The following DYM variants were observed in gnomAD, a reference collection of about 807,000 sequenced individuals.
DYM encodes the protein dyggve-Melchior-Clausen syndrome protein.
Under a neutral mutation model 93.1 loss-of-function variants are expected in DYM, and 78 were observed. The observed-to-expected ratio is 0.84, with a 90% CI of 0.70 to 1.01. The LOEUF (loss-of-function observed/expected upper bound fraction) is 1.01. Ranked by LOEUF, DYM falls within the 50% of genes least tolerant of loss-of-function variation. The pLI is 0.00. For synonymous variants in DYM, 321 were observed against 319.7 expected (o/e 1.00, Z -0.04); for missense variants, 789 against 845.0 (o/e 0.93, Z 0.82).
chr18:49,063,619 CTT>C lies in DYM; in HGVS notation c.2026-19417_2026-19416del, dbSNP rs67482709. ...GGTAGTAATTTCTTTCTTTCTCTCT[CTT>C]TTTTTTTTTTTTTTTTTTTTTTTAG... is the stretch of plus-strand genomic sequence containing the variant. On this transcript the variant is annotated intron_variant, in intron 17 of 17. Coordinates refer to ENST00000675505, the MANE Select transcript of DYM (RefSeq NM_001353214.3). Among the ~76,000 whole-genome samples, 696 of 71,974 alleles carry C rather than the reference CTT, an allele frequency of 9.7e-3. 6 individuals are homozygous for C. The highest frequency in any genetic ancestry group is 0.029 in the African/African-American group (588 of 20,270). The allele number at this position is 71,974 out of a possible 152,430, so 47.2% of individuals were successfully genotyped here.
chr18:49,185,436 C>T (rs1163999364), intron 14 of DYM, among the ~76,000 whole-genome samples: 2 of 152,144 alleles, frequency 1.3e-5, no homozygotes, highest in Non-Finnish European at 2.9e-5. Flanking sequence ...AAAGTAAGAA[C>T]AGTCTAGACA....
intron 6 of DYM, among the ~76,000 whole-genome samples, chr18:49,346,447 G>C (rs540499748): frequency 1.3e-5 from 2 of 152,156 alleles, no homozygotes; most frequent in Non-Finnish European, 2.9e-5. Context: ...AGGCAGATGA[G>C]TGGTTACTAG....
Position 49,038,109 on chromosome 18 carries a change from G to A in DYM, c.*5946C>T, listed in dbSNP as rs1427508270. ...CAAAGTGCTAGTATTACAGATGTGA[G>A]CCACTGTGCCTAGCCTGTTGAAACC... is the stretch of plus-strand genomic sequence containing the variant. On this transcript the variant is annotated 3_prime_UTR_variant, in exon 18 of 18. Transcript: ENST00000675505. 1.3e-5 allele frequency among the ~76,000 whole-genome samples: 2 copies of A among 152,220 alleles called. No homozygotes were observed.
chr18:49,270,205 T>A (rs1241711372), intron 11 of DYM, among the ~76,000 whole-genome samples: 1 of 152,158 alleles, frequency 6.6e-6, no homozygotes, highest in Non-Finnish European at 1.5e-5. Flanking sequence ...TCACAATGCT[T>A]CCCAATTGTT....
At chr18:49,404,836 G>A (rs2071273245) in intron 2 of DYM, among the ~76,000 whole-genome samples, 1 of 151,934 alleles carries the variant, frequency 6.6e-6, no homozygotes, top group African/African-American at 2.4e-5. Context: ...TGACCAATGT[G>A]GTGAAACTTC....
intron 6 of DYM, among the ~76,000 whole-genome samples, chr18:49,335,407 G>A (rs1599507391): frequency 1.3e-5 from 2 of 152,228 alleles, no homozygotes; most frequent in South Asian, 4.1e-4. Flanking sequence ...AGTGAGCTGA[G>A]ATTACACCAC....
rs115182068 is a variant in DYM at position 49,194,260 on chromosome 18, A to T, written c.1625+15291T>A. Reference sequence around the variant, plus strand: ...TGTATCCAATCCAAATCCTCCATACACATAGTTTAAACTGCACGAGAAATT... The same window carrying T: ...TGTATCCAATCCAAATCCTCCATACTCATAGTTTAAACTGCACGAGAAATT... On this transcript the variant is annotated intron_variant, in intron 14 of 17. Coordinates refer to ENST00000675505, the MANE Select transcript of DYM (RefSeq NM_001353214.3). 3.0e-3 allele frequency among the ~76,000 whole-genome samples: 457 copies of T among 152,270 alleles called. 3 individuals are homozygous for T. Among genetic ancestry groups the T allele is most frequent in the African/African-American group, 0.01 (422 of 41,542 alleles).
At chr18:49,170,228 C>G (rs1367943366) in intron 14 of DYM, among the ~76,000 whole-genome samples, 2 of 152,110 alleles carry the variant, frequency 1.3e-5, no homozygotes, top group African/African-American at 4.8e-5. Context: ...GTAATTTGCC[C>G]AGGCACACAG....
intron 17 of DYM, among the ~76,000 whole-genome samples, chr18:49,062,356 A>T (rs2076049205): frequency 6.6e-6 from 1 of 152,220 alleles, no homozygotes; most frequent in South Asian, 2.1e-4. Flanking sequence ...TAGGAAGCAC[A>T]CTCTTATCTA....
At chr18:49,324,395 C>T (rs1196350241) in intron 8 of DYM, among the ~76,000 whole-genome samples, 1 of 151,966 alleles carries the variant, frequency 6.6e-6, no homozygotes, top group Non-Finnish European at 1.5e-5. Context: ...ATATAATAAC[C>T]TTTTAGATAA....
At chr18:49,442,298 G>A (rs1055660719) in intron 1 of DYM, among the ~76,000 whole-genome samples, 15 of 152,212 alleles carry the variant, frequency 9.9e-5, no homozygotes, top group South Asian at 6.2e-4. Context: ...GAATCCCAGC[G>A]CTTTGGGAAG....
intron 9 of DYM, 112 bp downstream of exon 9, chr18:49,286,322 A>G (rs2059659733): frequency 8.0e-7 from 1 of 1,254,418 alleles, no homozygotes; most frequent in African/African-American, 1.5e-5. Flanking sequence ...TGTTTGACCA[A>G]TATGAAAACA....
At chr18:49,329,780 C>T (rs919707194) in intron 8 of DYM, 7 of 152,214 alleles carry the variant, frequency 4.6e-5, no homozygotes, top group African/African-American at 1.7e-4. Context: ...CTTGCTATAT[C>T]CAGGAAAACT....
At chr18:49,342,603 G>T (rs1048226672) in intron 6 of DYM, among the ~76,000 whole-genome samples, 1 of 152,174 alleles carries the variant, frequency 6.6e-6, no homozygotes, top group Non-Finnish European at 1.5e-5. Flanking sequence ...TGCCAGATTA[G>T]GAGGGGAGGT....
chr18:49,282,260 A>T, intron 9 of DYM, 85 bp from the exon 10 acceptor site: 1 of 1,214,398 alleles, frequency 8.2e-7, no homozygotes, highest in Non-Finnish European at 1.2e-6. Context: ...TGTACAACTC[A>T]ATTCCCATTA....
Position 49,452,721 on chromosome 18 carries a change from G to A in DYM, c.-54+7677C>T, listed in dbSNP as rs1001613918. ...TCCCCAGCGCCTGGTCCCATCAACC[G>A]CCCAAGGGCTGAGGAGTGCAGGCGC... On this transcript the variant is annotated intron_variant, in intron 1 of 17. Coordinates refer to ENST00000675505, the MANE Select transcript of DYM (RefSeq NM_001353214.3). 2.4e-5 allele frequency among the ~76,000 whole-genome samples: 2 copies of A among 82,300 alleles called. 1 individual carries two copies. The highest frequency in any genetic ancestry group is 5.2e-5 in the Non-Finnish European group (2 of 38,696). The allele number at this position is 82,300 out of a possible 152,430, so 54.0% of individuals were successfully genotyped here.
At chr18:49,087,332 CAAT>C (rs1298260613) in intron 17 of DYM, among the ~76,000 whole-genome samples, 1 of 152,070 alleles carries the variant, frequency 6.6e-6, no homozygotes, top group Non-Finnish European at 1.5e-5. Context: ...ATTCAAGATG[CAAT>C]AATAATAAAG....
intron 8 of DYM, among the ~76,000 whole-genome samples, chr18:49,303,714 A>G (rs1301307725): frequency 6.6e-6 from 1 of 152,248 alleles, no homozygotes; most frequent in Non-Finnish European, 1.5e-5. Context: ...AGACAGGCCA[A>G]AAGTTCAAGT....
intron 5 of DYM, among the ~76,000 whole-genome samples, chr18:49,373,989 C>T (rs937141171): frequency 2.0e-5 from 3 of 152,216 alleles, no homozygotes; most frequent in African/African-American, 7.2e-5. Context: ...TAACTTCAGA[C>T]ATCAGTATAT....
Sources: allele counts gnomAD v4.1 joint callset (sites outside exome capture counted in the v4.1 genomes callset), GRCh38; gene constraint gnomAD v4.1.1; transcripts MANE v1.5; gene names NCBI Gene and HGNC (gene_info 2026-07-23, HGNC 2026-07-21).